CCDC15: variants seen among roughly 807,000 people sequenced by gnomAD.
CCDC15 encodes the protein coiled-coil domain-containing protein 15.
CCDC15 carries 105 observed loss-of-function variants against 114.5 expected under a neutral mutation model. That is an observed-to-expected ratio of 0.92 (90% CI 0.78 to 1.08). CCDC15 has a LOEUF of 1.08. Among genes scored for constraint, CCDC15 ranks in the 50% least tolerant of loss-of-function variants. The pLI is 0.00. For synonymous variants in CCDC15, 334 were observed against 377.8 expected (o/e 0.88, Z 1.34); for missense variants, 1,105 against 1,093.6 (o/e 1.01, Z -0.15).
chr11:124,987,056 G>T, intron 7 of CCDC15, 71 bp from the exon 8 acceptor site: 1 of 1,381,744 alleles, frequency 7.2e-7, no homozygotes. Flanking sequence ...TTGATATTTC[G>T]ATTATTTTGG....
At chr11:125,003,781 G>T in intron 11 of CCDC15, 86 bp from the exon 12 acceptor site, 1 of 726,162 alleles carries the variant, frequency 1.4e-6, no homozygotes, top group Non-Finnish European at 2.2e-6. Flanking sequence ...GTTTGCAAAA[G>T]AAAAGAACAG....
At chr11:125,040,381 G>A (rs754582485) in intron 15 of CCDC15, among the ~76,000 whole-genome samples, 8 of 152,080 alleles carry the variant, frequency 5.3e-5, no homozygotes, top group Non-Finnish European at 1.0e-4. Context: ...AGTATTACAT[G>A]GCAACTTAAT....
chr11:125,005,884 T>C (rs1051634361), intron 13 of CCDC15, among the ~76,000 whole-genome samples: 1 of 152,206 alleles, frequency 6.6e-6, no homozygotes, highest in Non-Finnish European at 1.5e-5. Flanking sequence ...TGCTTTTTTA[T>C]GGCTTGATAG....
At chr11:125,037,254 C>G (rs1565385381) in intron 13 of CCDC15, among the ~76,000 whole-genome samples, 1 of 152,184 alleles carries the variant, frequency 6.6e-6, no homozygotes. Flanking sequence ...TTATTCCCTA[C>G]TGCTCAGATA....
intron 13 of CCDC15, among the ~76,000 whole-genome samples, chr11:125,010,380 GTT>G (rs545300682): frequency 3.7e-5 from 5 of 134,688 alleles, no homozygotes; most frequent in Non-Finnish European, 3.2e-5. Flanking sequence ...TTTGCCTGGT[GTT>G]TTTTTTTTTT....
chr11:124,983,807 C>T (rs1044733643), intron 6 of CCDC15, among the ~76,000 whole-genome samples: 5 of 151,872 alleles, frequency 3.3e-5, no homozygotes, highest in Admixed American at 6.6e-5. Flanking sequence ...GGTGGGGTGC[C>T]GGCAGGTGCA....
intron 4 of CCDC15, among the ~76,000 whole-genome samples, chr11:124,963,700 G>T (rs1055023611): frequency 2.6e-5 from 4 of 152,296 alleles, no homozygotes; most frequent in Admixed American, 1.3e-4. Context: ...TGGTGTTTTA[G>T]TCATGAAGTC....
At chr11:124,955,389 A>G (rs1947531414) in intron 2 of CCDC15, among the ~76,000 whole-genome samples, 1 of 152,236 alleles carries the variant, frequency 6.6e-6, no homozygotes, top group Non-Finnish European at 1.5e-5. Context: ...AACTCTGATA[A>G]TCTGAGAAAG....
Position 124,986,667 on chromosome 11 carries a change from C to CTGTG in CCDC15, c.754-55_754-52dup, listed in dbSNP as rs146292043. ...TTCTTCCTATAATAGCTACATGGTGCTGTGTGTGTGTGTGTGTGTGTGTTT... is the reference window on the plus strand; with the variant it reads ...TTCTTCCTATAATAGCTACATGGTGCTGTGTGTGTGTGTGTGTGTGTGTGTGTTT... On this transcript the variant is annotated intron_variant, in intron 6 of 15. Transcript: ENST00000344762. 133 of 1,089,528 alleles carry CTGTG rather than the reference C, an allele frequency of 1.2e-4. 2 individuals carry two copies. Among genetic ancestry groups the CTGTG allele is most frequent in the African/African-American group, 5.9e-4 (27 of 45,882 alleles). 67.5% of individuals were successfully genotyped at this position (1,089,528 alleles called of 1,614,324 possible).
At chr11:124,973,662 C>T (rs1034329870) in intron 4 of CCDC15, among the ~76,000 whole-genome samples, 2 of 152,040 alleles carry the variant, frequency 1.3e-5, no homozygotes, top group African/African-American at 2.4e-5. Flanking sequence ...CTTGCTCTGT[C>T]GTCCAGGTTA....
In CCDC15 at chr11:124,992,582, AC is replaced by A. The variant is rs777055045; in HGVS notation, c.2036del (p.Pro679LeufsTer5). ...TCCTTTAAAATATGTTTCTCAAGCA[AC>A]CTGCATCTTTTATGAGAGAAGAAAG... ...QDQDDIKNQQ[P>X]ASFMREERVR... On this transcript the variant is annotated frameshift_variant, in exon 10 of 16. Transcript: ENST00000344762. LOFTEE classifies it high-confidence loss of function. 1 of 1,576,186 alleles carries A rather than the reference AC, an allele frequency of 6.3e-7. No homozygotes were observed. Among genetic ancestry groups the A allele is most frequent in the African/African-American group, 1.4e-5 (1 of 73,898 alleles).
chr11:125,031,326 T>C (rs900732153), intron 13 of CCDC15, among the ~76,000 whole-genome samples: 25 of 152,232 alleles, frequency 1.6e-4, no homozygotes, highest in African/African-American at 5.8e-4. Context: ...ATGAGGCCAT[T>C]GGTGCAGGCT....
chr11:124,993,293 C>CAGA (rs1948303023), intron 11 of CCDC15, 50 bp downstream of exon 11: 1 of 1,227,600 alleles, frequency 8.1e-7, no homozygotes, highest in East Asian at 2.4e-5. Context: ...AGAAGTAGAG[C>CAGA]AGAATATAGT....
intron 13 of CCDC15, among the ~76,000 whole-genome samples, chr11:125,020,667 C>T (rs1948654999): frequency 1.3e-5 from 2 of 151,902 alleles, no homozygotes; most frequent in African/African-American, 2.4e-5. Context: ...TGTATTCACA[C>T]CATTGCTCTA....
intron 15 of CCDC15, among the ~76,000 whole-genome samples, chr11:125,040,037 TG>T (rs1948805139): frequency 6.7e-6 from 1 of 149,762 alleles, no homozygotes; most frequent in African/African-American, 2.5e-5. Flanking sequence ...TGTTGTTGTT[TG>T]TTTTTTTGTT....
rs568399573 is a variant in CCDC15 at position 124,989,721 on chromosome 11, G to A, written c.1908+1587G>A. 1.9e-3 allele frequency among the ~76,000 whole-genome samples: 290 copies of A among 152,294 alleles called. 2 individuals are homozygous for A. The highest frequency in any genetic ancestry group is 6.7e-3 in the African/African-American group (278 of 41,570). Reference sequence around the variant, plus strand: ...TCACCTTGCCCTTTGATGTTATAGAGACACCTTATTTCCTTAAACCTCATG... The same window carrying A: ...TCACCTTGCCCTTTGATGTTATAGAAACACCTTATTTCCTTAAACCTCATG... On this transcript the variant is annotated intron_variant, in intron 8 of 15. Transcript: ENST00000344762.
At chr11:125,013,586 A>G (rs1360954978) in intron 13 of CCDC15, among the ~76,000 whole-genome samples, 1 of 152,168 alleles carries the variant, frequency 6.6e-6, no homozygotes, top group Non-Finnish European at 1.5e-5. Flanking sequence ...TTTGATGACC[A>G]AATTCTTAGT....
rs1029950917 is a variant in CCDC15 at position 124,992,634 on chromosome 11, T to C, written c.2086T>C (p.Tyr696His). 6 of 1,601,140 alleles carry C rather than the reference T, an allele frequency of 3.7e-6. No homozygotes were observed. Among genetic ancestry groups the C allele is most frequent in the Non-Finnish European group, 5.1e-6 (6 of 1,173,284 alleles). Residue 696 changes from tyrosine to histidine, a missense_variant, in exon 10 of 16, where the codon TAT becomes CAT. By Grantham distance (83) the Tyr-to-His change is moderately conservative. Coordinates refer to ENST00000344762, the MANE Select transcript of CCDC15 (RefSeq NM_025004.3). Reference sequence around the variant, plus strand: ...AGTGAGAGAAGAATTGCCTCTGGACTATCATCAATATGTTGTACCTAAAAT... The same window carrying C: ...AGTGAGAGAAGAATTGCCTCTGGACCATCATCAATATGTTGTACCTAAAAT... The part of the protein sequence containing the change: ...ERVREELPLD[Y>H]HQYVVPKIQD...
In CCDC15 at chr11:124,962,895, C is replaced by T. The variant is rs551854792; in HGVS notation, c.516+2892C>T. ...ATTCCGACCTATGAGTGAGAACATG[C>T]GGTGTTTGGTTTTCTGTCCTTGAGA... On this transcript the variant is annotated intron_variant, in intron 4 of 15. Coordinates refer to ENST00000344762, the MANE Select transcript of CCDC15 (RefSeq NM_025004.3). Among the ~76,000 whole-genome samples the T allele has an allele frequency of 1.3e-3, 199 of 152,238 alleles. 1 individual carries two copies. Among genetic ancestry groups the T allele is most frequent in the African/African-American group, 4.5e-3 (185 of 41,546 alleles).
Sources: gnomAD v4.1 joint callset for allele counts (sites outside exome capture counted in the v4.1 genomes callset) on GRCh38, gnomAD v4.1.1 for gene constraint, MANE v1.5 for transcripts, NCBI Gene and HGNC (gene_info 2026-07-23, HGNC 2026-07-21) for gene names.